Variants in TECR observed in about 807,000 individuals in gnomAD.
TECR encodes very-long-chain enoyl-CoA reductase.
TECR carries 19 observed loss-of-function variants against 50.6 expected under a neutral mutation model. The ratio of observed to expected loss-of-function variants is 0.38; its 90% confidence interval spans 0.26 to 0.55. The LOEUF is 0.55. Ranked by LOEUF, TECR falls within the 20% of genes least tolerant of loss-of-function variation. The pLI is 0.79. For missense variants in TECR, 313 were observed against 408.3 expected, an observed-to-expected ratio of 0.77 and a Z score of 2.01; for synonymous variants, 168 against 163.5, an observed-to-expected ratio of 1.03 and a Z score of -0.21.
chr19:14,530,509 A>G (rs1051988244), intron 1 of TECR: 19 of 152,230 alleles, frequency 1.2e-4, no homozygotes, highest in African/African-American at 4.6e-4. Flanking sequence ...CAAAATAACA[A>G]TTTAGCAAGT....
chr19:14,549,466 C>T (rs976530620), intron 1 of TECR, among the ~76,000 whole-genome samples: 7 of 151,944 alleles, frequency 4.6e-5, no homozygotes, highest in African/African-American at 1.7e-4. Flanking sequence ...GTGATCTGCC[C>T]TCCTTGGCCC....
In TECR at chr19:14,565,556, C is replaced by G. The variant is rs2074054310; in HGVS notation, c.754-62C>G. On this transcript the variant is annotated intron_variant, in intron 11 of 12. Transcript: ENST00000215567. ...GCGGCGGGAGGTGGCTGGCTGAGTC[C>G]AGGACAGCCACATACACGGGTTGCG... 5.7e-6 allele frequency: 9 copies of G among 1,570,658 alleles called. No individual in the cohort carries two copies. In the South Asian group the frequency reaches 8.0e-5, roughly 14 times the overall value.
intron 7 of TECR, 138 bp downstream of exon 7, chr19:14,564,425 C>T (rs2074001409): frequency 4.0e-6 from 3 of 741,412 alleles, no homozygotes; most frequent in East Asian, 5.5e-5. Context: ...CCCCGCCTAA[C>T]CTCCCCAGCC....
intron 1 of TECR, among the ~76,000 whole-genome samples, chr19:14,542,356 T>TTTTTTTTG (rs1487491166): frequency 3.3e-5 from 4 of 121,996 alleles, no homozygotes; most frequent in African/African-American, 1.3e-4. Flanking sequence ...TGTTTTTTTT[T>TTTTTTTTG]TTTTTTTTTT....
chr19:14,550,085 TC>T (rs2073444867), intron 1 of TECR, among the ~76,000 whole-genome samples: 1 of 152,116 alleles, frequency 6.6e-6, no homozygotes, highest in Non-Finnish European at 1.5e-5. Context: ...TGTCACTCTT[TC>T]TTTGCCAAGA....
At chr19:14,557,953 C>T (rs1370904924) in intron 1 of TECR, among the ~76,000 whole-genome samples, 2 of 151,966 alleles carry the variant, frequency 1.3e-5, no homozygotes, top group Non-Finnish European at 2.9e-5. Flanking sequence ...GATGGGGTTT[C>T]ACCGTGTTAG....
At chr19:14,562,664 T>A in intron 2 of TECR, 89 bp downstream of exon 2, 8 of 1,428,352 alleles carry the variant, frequency 5.6e-6, no homozygotes, top group Non-Finnish European at 6.9e-6. Flanking sequence ...AGTGGGGCCC[T>A]TTGTGCCCCA....
At chr19:14,546,216 T>C (rs958169476) in intron 1 of TECR, among the ~76,000 whole-genome samples, 4 of 152,056 alleles carry the variant, frequency 2.6e-5, no homozygotes, top group Admixed American at 2.6e-4. Context: ...TTTCCGATCA[T>C]AGATCACACT....
intron 1 of TECR, among the ~76,000 whole-genome samples, chr19:14,539,106 T>G (rs935299002): frequency 6.7e-6 from 1 of 150,148 alleles, no homozygotes; most frequent in African/African-American, 2.5e-5. Flanking sequence ...CCTGAGTAGC[T>G]GGGACTACAG....
intron 1 of TECR, among the ~76,000 whole-genome samples, chr19:14,558,089 G>A (rs1172300999): frequency 6.6e-6 from 1 of 152,142 alleles, no homozygotes; most frequent in East Asian, 1.9e-4. Flanking sequence ...TCCTAAACTG[G>A]GGATGATTAC....
At chr19:14,560,143 C>T (rs1291464170) in intron 1 of TECR, among the ~76,000 whole-genome samples, 2 of 152,230 alleles carry the variant, frequency 1.3e-5, no homozygotes. Flanking sequence ...CGCAGCCCGG[C>T]GTCCTCTCCC....
rs2073775885 is a variant in TECR, at chr19:14,557,624, G to A, written c.16-4901G>A. On this transcript the variant is annotated intron_variant, in intron 1 of 12. Coordinates refer to ENST00000215567, the MANE Select transcript of TECR (RefSeq NM_138501.6). ...GCACCACCACGCCTGGCTAATTTTTGTATCTTTGGTAGAGACGGGGTTTCG... is the reference window on the plus strand; with the variant it reads ...GCACCACCACGCCTGGCTAATTTTTATATCTTTGGTAGAGACGGGGTTTCG... 1.3e-5 allele frequency among the ~76,000 whole-genome samples: 2 copies of A among 149,728 alleles called. 1 individual carries two copies. The highest frequency in any genetic ancestry group is 4.2e-4 in the South Asian group (2 of 4,756).
At chr19:14,529,442 G>A, upstream of TECR, 5 of 626,410 alleles carry the variant, frequency 8.0e-6, no homozygotes, top group Non-Finnish European at 1.4e-5. Flanking sequence ...CCCTTCGATT[G>A]GTCTCGCAAG....
At position 14,564,666 on chromosome 19, in the gene TECR, GC is replaced by G. The variant is rs1257156512; in HGVS notation, c.490-116del. The G allele has an allele frequency of 1.6e-4, 53 of 337,584 alleles. No homozygotes were observed. In the East Asian group the frequency reaches 3.4e-3, roughly 22 times the overall value. The allele number at this position is 337,584 out of a possible 1,614,324, so 20.9% of individuals were successfully genotyped here. A position where few individuals can be genotyped will look rare whatever the true frequency, so the allele number is the denominator to read the frequency against. ...GGCCCCGCCTATCCTCCCCAGCCCC[GC>G]CCCAAGGCCCCTCCTGTCCTTTCCC... On this transcript the variant is annotated intron_variant, in intron 7 of 12. Transcript: ENST00000215567.
Position 14,529,618 on chromosome 19 carries a change from A to T in TECR, c.-79A>T, listed in dbSNP as rs1210479383. On this transcript the variant is annotated 5_prime_UTR_variant, in exon 1 of 13. Coordinates refer to ENST00000215567, the MANE Select transcript of TECR (RefSeq NM_138501.6). ...CGTTTAGTCTATCGCTGCGGTTGCG[A>T]GCGCTGTAGGGAGCCTGTGCTGTGC... 6.2e-7 allele frequency: 1 copy of T among 1,608,316 alleles called. No individual in the cohort carries two copies. The highest frequency in any genetic ancestry group is 8.5e-7 in the Non-Finnish European group (1 of 1,175,412).
chr19:14,560,744 T>A (rs2146626007), intron 1 of TECR, among the ~76,000 whole-genome samples: 1 of 152,296 alleles, frequency 6.6e-6, no homozygotes, highest in South Asian at 2.1e-4. Context: ...CCCACCCTCC[T>A]GTCCAGGAAG....
At chr19:14,528,582 C>G (rs2072491948), upstream of TECR, among the ~76,000 whole-genome samples, 1 of 152,098 alleles carries the variant, frequency 6.6e-6, no homozygotes, top group East Asian at 1.9e-4. Flanking sequence ...ATTGGAGCCA[C>G]TAGACACGAT....
upstream of TECR, chr19:14,529,100 C>T (rs997981472): frequency 1.1e-4 from 17 of 160,460 alleles, no homozygotes; most frequent in South Asian, 1.1e-3. Flanking sequence ...TTCCCTCCCA[C>T]TCAAGAGTCT....
intron 1 of TECR, among the ~76,000 whole-genome samples, chr19:14,559,842 TCTC>T (rs1054065775): frequency 1.3e-5 from 2 of 149,764 alleles, no homozygotes; most frequent in African/African-American, 2.5e-5. Context: ...TATGGAGAGG[TCTC>T]CTGCTCCCCC....
Sources: allele counts gnomAD v4.1 joint callset (sites outside exome capture counted in the v4.1 genomes callset), GRCh38; gene constraint gnomAD v4.1.1; transcripts MANE v1.5; gene names NCBI Gene and HGNC (gene_info 2026-07-23, HGNC 2026-07-21).